The following MTERF4 variants were observed in gnomAD, a reference collection of about 807,000 sequenced individuals.
The protein encoded by MTERF4 is transcription termination factor 4, mitochondrial.
MTERF4 carries 17 observed loss-of-function variants against 22.5 expected under a neutral mutation model. The ratio of observed to expected loss-of-function variants is 0.75; its 90% CI spans 0.52 to 1.13. The LOEUF (loss-of-function observed/expected upper bound fraction) is 1.13. MTERF4 is among the 50% of genes most tolerant of loss of function. The pLI is 0.00. For missense variants in MTERF4, 420 were observed against 466.8 expected, an observed-to-expected ratio of 0.90 and a Z score of 0.92; for synonymous variants, 165 against 175.3, an observed-to-expected ratio of 0.94 and a Z score of 0.47.
downstream of MTERF4, chr2:241,068,053 A>C (rs914170961): frequency 1.2e-5 from 12 of 1,009,030 alleles, no homozygotes; most frequent in East Asian, 8.0e-5. This position sits in a 1 kb window ranked among gnomAD's most constrained non-coding sequence, Gnocchi z 5.3. Flanking sequence ...GGACTGTACC[A>C]CCTGCCGCTC....
chr2:241,079,505 T>G (rs900725226), intron 4 of MTERF4, among the ~76,000 whole-genome samples: 4 of 152,056 alleles, frequency 2.6e-5, no homozygotes, highest in Admixed American at 2.6e-4. Flanking sequence ...AATTTTGTCC[T>G]CATTTTAATA....
At chr2:241,050,357 G>A in the MTERF4 span, among the ~76,000 whole-genome samples, 2 of 152,064 alleles carry the variant, frequency 1.3e-5, no homozygotes, top group East Asian at 1.9e-4. Context: ...AGCTATCCCC[G>A]CCAGGCCCCA....
chr2:241,059,881 C>T, the MTERF4 span, among the ~76,000 whole-genome samples: 1 of 152,144 alleles, frequency 6.6e-6, no homozygotes, highest in Non-Finnish European at 1.5e-5. Context: ...GTATTCCCAG[C>T]ATTTTCCTGG....
At chr2:241,089,468 C>G, downstream of MTERF4, 1 of 1,527,350 alleles carries the variant, frequency 6.5e-7, no homozygotes, top group Non-Finnish European at 8.8e-7. Context: ...GAAGAGTGTC[C>G]ACACCCCCTT....
At chr2:241,068,484 G>A (rs192937847), downstream of MTERF4, among the ~76,000 whole-genome samples, 35 of 152,230 alleles carry the variant, frequency 2.3e-4, no homozygotes, top group Admixed American at 2.0e-3. This position sits in a 1 kb window ranked among gnomAD's most constrained non-coding sequence, Gnocchi z 5.3. Context: ...CGGAGAGCGA[G>A]TGGGAAGGAA....
chr2:241,064,737 C>G, the MTERF4 span: 1 of 764,088 alleles, frequency 1.3e-6, no homozygotes, highest in East Asian at 3.1e-5. This position sits in a 1 kb window ranked among gnomAD's most constrained non-coding sequence, Gnocchi z 7.0. Context: ...CCCCCCGCCC[C>G]TCCACACCCA....
downstream of MTERF4, chr2:241,094,260 C>T (rs1341649327): frequency 4.3e-6 from 2 of 468,010 alleles, no homozygotes; most frequent in Non-Finnish European, 8.8e-6. The surrounding 1 kb of genome is among the most constrained non-coding windows in gnomAD (Gnocchi z 4.3). Context: ...AAGGGCCCCA[C>T]TCAGGTATCA....
At position 241,099,580 on chromosome 2, in the gene MTERF4, C is replaced by G. The variant is rs1559341033; in HGVS notation, c.336G>C (p.Leu112Phe). 6.2e-7 allele frequency: 1 copy of G among 1,614,210 alleles called. No individual in the cohort carries two copies. The change falls in exon 2 of 4, where the codon TTG becomes TTC. Residue 112 changes from leucine to phenylalanine, a missense_variant. Coordinates refer to ENST00000391980, the MANE Select transcript of MTERF4 (RefSeq NM_182501.4). ...MGFSNAHINE[L>F]LSVRRGASLQ... ...GACTGGCACCTCGCCGTACACTGAG[C>G]AATTCATTAATATGGGCATTGCTGA...
chr2:241,087,888 C>T (rs1473388438), downstream of MTERF4: 3 of 426,918 alleles, frequency 7.0e-6, no homozygotes, highest in Non-Finnish European at 1.2e-5. Flanking sequence ...TACTGTTTGG[C>T]GTTTGCTGAA....
the MTERF4 span, chr2:241,048,734 C>T: frequency 1.2e-6 from 2 of 1,612,520 alleles, no homozygotes; most frequent in East Asian, 2.2e-5. Context: ...TGCCAGTGCC[C>T]CCTGGGATTC....
At chr2:241,088,739 C>G (rs2063716671), downstream of MTERF4, 1 of 323,654 alleles carries the variant, frequency 3.1e-6, no homozygotes, top group African/African-American at 2.1e-5. Flanking sequence ...GGGGTGGGCC[C>G]TTGGAGAGGC....
chr2:241,087,370 C>T, downstream of MTERF4: 1 of 1,575,612 alleles, frequency 6.3e-7, no homozygotes, highest in East Asian at 2.3e-5. Flanking sequence ...TCTGGTTTTA[C>T]AAAGCTTTCT....
the MTERF4 span, chr2:241,052,501 T>C: frequency 6.9e-7 from 1 of 1,456,068 alleles, no homozygotes. Context: ...GCAGGGTACA[T>C]GGGATACCAG....
chr2:241,053,275 A>T, the MTERF4 span: 1 of 1,602,414 alleles, frequency 6.2e-7, no homozygotes, highest in Non-Finnish European at 8.5e-7. Context: ...CCCCAGCCGC[A>T]TCCGGGTCTG....
At chr2:241,051,850 C>G in the MTERF4 span, 1 of 1,553,754 alleles carries the variant, frequency 6.4e-7, no homozygotes, top group Non-Finnish European at 8.7e-7. The surrounding 1 kb of genome is among the most constrained non-coding windows in gnomAD (Gnocchi z 4.7). Flanking sequence ...CTGGGAGGCA[C>G]TGTGAGATCG....
chr2:241,061,124 G>A, the MTERF4 span, among the ~76,000 whole-genome samples: 1 of 151,992 alleles, frequency 6.6e-6, no homozygotes. Context: ...ACTACAAACT[G>A]GGAGAAGAGA....
chr2:241,065,205 A>T, the MTERF4 span: 1 of 1,330,466 alleles, frequency 7.5e-7, no homozygotes. Context: ...GTCAGGCCCA[A>T]GAGCCAGACC....
the MTERF4 span, among the ~76,000 whole-genome samples, chr2:241,058,132 G>T: frequency 2.6e-5 from 4 of 152,136 alleles, no homozygotes; most frequent in African/African-American, 9.7e-5. Context: ...ATCAAAGCTG[G>T]CGTATTAGCT....
chr2:241,069,840 A>G (rs540760671), downstream of MTERF4: 36 of 1,507,848 alleles, frequency 2.4e-5, no homozygotes, highest in East Asian at 4.5e-4. The surrounding 1 kb of genome is among the most constrained non-coding windows in gnomAD (Gnocchi z 4.9). Flanking sequence ...GCGGCAGCCC[A>G]TGTCCGGTTC....
Sources: gnomAD v4.1 joint callset for allele counts (sites outside exome capture counted in the v4.1 genomes callset) on GRCh38, gnomAD v4.1.1 for gene constraint, Gnocchi (gnomAD v3.1) non-coding constraint, MANE v1.5 for transcripts, NCBI Gene and HGNC (gene_info 2026-07-23, HGNC 2026-07-21) for gene names.